Variants in CHD7 observed in about 807,000 individuals in gnomAD.
CHD7 encodes chromodomain helicase DNA binding protein 7, also known as ATP-dependent chromatin remodeler CHD7.
In CHD7, 24 loss-of-function variants were observed where a neutral mutation model predicts 307.3. The observed-to-expected ratio is 0.08, with a 90% CI of 0.06 to 0.11. The LOEUF is 0.11. Among genes scored for constraint, CHD7 ranks in the 10% least tolerant of loss-of-function variants. CHD7 has a pLI of 1.00. For synonymous variants in CHD7, 1,363 were observed against 1,349.9 expected, an observed-to-expected ratio of 1.01 and a Z score of -0.21; for missense variants, 3,106 against 3,727.1, an observed-to-expected ratio of 0.83 and a Z score of 4.34.
chr8:60,858,962 C>T (rs1805842377), intron 34 of CHD7, among the ~76,000 whole-genome samples: 1 of 152,216 alleles, frequency 6.6e-6, no homozygotes, highest in African/African-American at 2.4e-5. Context: ...TAATGCAACA[C>T]ACGTGCTTTT....
intron 2 of CHD7, among the ~76,000 whole-genome samples, chr8:60,750,147 G>A (rs889913553): frequency 1.3e-5 from 2 of 152,128 alleles, no homozygotes; most frequent in African/African-American, 2.4e-5. Flanking sequence ...AAATTTTGTA[G>A]GTGATAAGAA....
rs150388851 is a variant in CHD7, at chr8:60,748,041, T to C, written c.1665+4944T>C. Among the ~76,000 whole-genome samples, 724 of 152,360 alleles carry C rather than the reference T, an allele frequency of 4.8e-3. 2 individuals carry two copies. The highest frequency in any genetic ancestry group is 0.016 in the African/African-American group (682 of 41,578). On this transcript the variant is annotated intron_variant, in intron 2 of 37. Coordinates refer to ENST00000423902, the MANE Select transcript of CHD7 (RefSeq NM_017780.4). ...TTTGACTTTACATCCTTGGTTTTAG[T>C]GAACACTTATCAAATATTGAGGCTT...
In CHD7 at chr8:60,853,307, A is replaced by G. The variant is rs1188172277; in HGVS notation, c.6582A>G (p.Glu2194=). The G allele has an allele frequency of 6.2e-7, 1 of 1,605,568 alleles. No homozygotes were observed. Among genetic ancestry groups the G allele is most frequent in the Non-Finnish European group, 8.5e-7 (1 of 1,175,008 alleles). Residue 2194 remains glutamate, a synonymous_variant, in exon 31 of 38, where the codon GAA becomes GAG. Transcript: ENST00000423902. ...KEKCEGKEEE[E]ETDGSGKESK... ...AATGTGAGGGCAAAGAAGAGGAAGA[A>G]GAAACCGATGGCAGCGGGAAGGAGA...
intron 28 of CHD7, 147 bp from the exon 29 acceptor site, chr8:60,851,872 A>T: frequency 1.7e-6 from 1 of 578,658 alleles, no homozygotes; most frequent in Non-Finnish European, 3.0e-6. Flanking sequence ...GAATGTTATT[A>T]CTTATTTATA....
chr8:60,856,695 C>T lies in CHD7; in HGVS notation c.7415C>T (p.Thr2472Ile), dbSNP rs747677437. ...AAGTTTATCTTGCCTAATGTCTCAA[C>T]ACCAGTGTCTGATGCCTTTAAGACT... ...SSKFILPNVSTPVSDAFKTQM... is the reference protein window; with the variant it reads ...SSKFILPNVSIPVSDAFKTQM... The change falls in exon 34 of 38, where the codon ACA becomes ATA. Residue 2472 changes from threonine to isoleucine, a missense_variant. By Grantham distance (89) the Thr-to-Ile change is moderately conservative. Transcript: ENST00000423902. 2.5e-6 allele frequency: 4 copies of T among 1,614,038 alleles called. No homozygotes were observed. The highest frequency in any genetic ancestry group is 1.1e-5 in the South Asian group (1 of 91,084).
chr8:60,744,615 G>A (rs545637458), intron 2 of CHD7, among the ~76,000 whole-genome samples: 2 of 151,358 alleles, frequency 1.3e-5, no homozygotes, highest in African/African-American at 4.9e-5. Flanking sequence ...CACTCTGGGA[G>A]GCCGAGGCAG....
chr8:60,730,125 T>TA (rs1355943564), intron 1 of CHD7, among the ~76,000 whole-genome samples: 2 of 152,174 alleles, frequency 1.3e-5, no homozygotes, highest in Non-Finnish European at 2.9e-5. Context: ...ATTGTAGTTT[T>TA]AAAAAAAGCA....
chr8:60,752,336 A>C (rs1216687568), intron 2 of CHD7, among the ~76,000 whole-genome samples: 1 of 152,170 alleles, frequency 6.6e-6, no homozygotes, highest in Non-Finnish European at 1.5e-5. Context: ...TTCGAATGGC[A>C]AGTGTTCTAG....
chr8:60,692,709 C>G (rs1046752174), intron 1 of CHD7, among the ~76,000 whole-genome samples: 1 of 152,218 alleles, frequency 6.6e-6, no homozygotes, highest in Admixed American at 6.5e-5. Flanking sequence ...CACCCCTCTT[C>G]CTGACACTTC....
chr8:60,841,581 CT>C (rs1804978900), intron 19 of CHD7, 62 bp from the exon 20 acceptor site: 39 of 1,272,364 alleles, frequency 3.1e-5, no homozygotes, highest in Non-Finnish European at 4.5e-5. Context: ...TAAACAAAAG[CT>C]GCTTTACATT....
chr8:60,793,930 A>G (rs1286851153), intron 3 of CHD7, among the ~76,000 whole-genome samples: 1 of 152,084 alleles, frequency 6.6e-6, no homozygotes, highest in Non-Finnish European at 1.5e-5. Flanking sequence ...CAAGACCAGC[A>G]TGACCAACAT....
In CHD7 at chr8:60,679,036, T is replaced by G. The variant is rs1270599710; in HGVS notation, c.-221T>G. 6.7e-6 allele frequency: 1 copy of G among 150,186 alleles called. No individual in the cohort carries two copies. Among genetic ancestry groups the G allele is most frequent in the Non-Finnish European group, 1.5e-5 (1 of 67,478 alleles). The allele number at this position is 150,186 out of a possible 1,614,324, so 9.3% of individuals were successfully genotyped here. A position where few individuals can be genotyped will look rare whatever the true frequency, so the allele number is the denominator to read the frequency against. On this transcript the variant is annotated 5_prime_UTR_variant, in exon 1 of 38. Coordinates refer to ENST00000423902, the MANE Select transcript of CHD7 (RefSeq NM_017780.4). ...GCCAACTCCGGAGCCCGCTCTGCGTTTTGTTTTCCCCTCGGCACTAGGCAG... is the reference window on the plus strand; with the variant it reads ...GCCAACTCCGGAGCCCGCTCTGCGTGTTGTTTTCCCCTCGGCACTAGGCAG...
intron 21 of CHD7, among the ~76,000 whole-genome samples, chr8:60,843,219 A>G (rs921773120): frequency 4.6e-5 from 7 of 152,212 alleles, no homozygotes; most frequent in Non-Finnish European, 1.0e-4. Context: ...CTTGTTCAAC[A>G]GAAGTCCATC....
chr8:60,716,325 G>A (rs1807598284), intron 1 of CHD7, among the ~76,000 whole-genome samples: 1 of 152,196 alleles, frequency 6.6e-6, no homozygotes, highest in African/African-American at 2.4e-5. Context: ...AAAGCAGTTC[G>A]TGATTCATCC....
chr8:60,849,591 C>T (rs547516935), intron 25 of CHD7, among the ~76,000 whole-genome samples: 64 of 152,262 alleles, frequency 4.2e-4, no homozygotes, highest in Non-Finnish European at 3.1e-4. Context: ...TGAGAACTCG[C>T]GGCTCCCCTG....
At chr8:60,725,436 T>C (rs1757275300) in intron 1 of CHD7, among the ~76,000 whole-genome samples, 1 of 152,186 alleles carries the variant, frequency 6.6e-6, no homozygotes, top group African/African-American at 2.4e-5. Flanking sequence ...TTATATATAT[T>C]TTATATTGCT....
intron 7 of CHD7, among the ~76,000 whole-genome samples, chr8:60,810,432 T>C (rs889313690): frequency 2.0e-5 from 3 of 151,832 alleles, no homozygotes; most frequent in African/African-American, 2.4e-5. Flanking sequence ...CACACACTTA[T>C]CTGTTTATTA....
At chr8:60,794,261 TATATA>T (rs1253067665) in intron 3 of CHD7, among the ~76,000 whole-genome samples, 2 of 152,218 alleles carry the variant, frequency 1.3e-5, no homozygotes, top group African/African-American at 2.4e-5. Flanking sequence ...TCTTTTGTCT[TATATA>T]ATATTCAAAT....
intron 1 of CHD7, among the ~76,000 whole-genome samples, chr8:60,717,687 A>T (rs544903503): frequency 6.6e-6 from 1 of 152,172 alleles, no homozygotes; most frequent in South Asian, 2.1e-4. Context: ...GGCCACATAT[A>T]CAACAGTGGT....
Sources: allele counts gnomAD v4.1 joint callset (sites outside exome capture counted in the v4.1 genomes callset), GRCh38; gene constraint gnomAD v4.1.1; transcripts MANE v1.5; gene names NCBI Gene and HGNC (gene_info 2026-07-23, HGNC 2026-07-21).